Variants in FGF12 observed in about 807,000 individuals in gnomAD.
The protein encoded by FGF12 is fibroblast growth factor 12, also known as fibroblast growth factor 12B.
In FGF12, 14 loss-of-function variants were observed where a neutral mutation model predicts 23.6. That is an observed-to-expected ratio of 0.59 (90% CI 0.39 to 0.93). The LOEUF is 0.93. FGF12 is among the 40% of genes least tolerant of loss of function. The pLI is 0.00. For missense variants in FGF12, 175 were observed against 217.8 expected (o/e 0.80, Z 1.24); for synonymous variants, 62 against 77.3 (o/e 0.80, Z 1.04).
intron 5 of FGF12, among the ~76,000 whole-genome samples, chr3:192,169,763 A>G (rs779483938): frequency 2.0e-5 from 3 of 151,480 alleles, no homozygotes; most frequent in Non-Finnish European, 4.4e-5. Flanking sequence ...GGTTACCCAA[A>G]TGATATGCTC....
At chr3:192,723,681 C>T (rs552389399) in intron 2 of FGF12, among the ~76,000 whole-genome samples, 1 of 152,116 alleles carries the variant, frequency 6.6e-6, no homozygotes, top group Admixed American at 6.5e-5. Context: ...ATGCCCAGAT[C>T]CCACCCCAGA....
chr3:192,330,884 G>A (rs1446652675), intron 4 of FGF12, among the ~76,000 whole-genome samples: 5 of 152,092 alleles, frequency 3.3e-5, no homozygotes, highest in African/African-American at 9.7e-5. Context: ...AAAATTCTAT[G>A]TATCAACAGA....
intron 2 of FGF12, among the ~76,000 whole-genome samples, chr3:192,441,064 A>G (rs1722188371): frequency 1.3e-5 from 2 of 152,218 alleles, no homozygotes; most frequent in Admixed American, 1.3e-4. Context: ...GGTTTATGGC[A>G]TAATAAAAAG....
At chr3:192,644,564 G>A (rs768871841) in intron 2 of FGF12, among the ~76,000 whole-genome samples, 2 of 152,118 alleles carry the variant, frequency 1.3e-5, no homozygotes, top group South Asian at 2.1e-4. Context: ...CTAGGACACT[G>A]TTGTTACTTC....
At chr3:192,322,720 G>A (rs1022724738) in intron 4 of FGF12, among the ~76,000 whole-genome samples, 3 of 152,016 alleles carry the variant, frequency 2.0e-5, no homozygotes, top group African/African-American at 4.8e-5. Context: ...ACTCATTTTC[G>A]ACAAAGTTTC....
intron 2 of FGF12, among the ~76,000 whole-genome samples, chr3:192,414,296 G>A (rs929939668): frequency 2.0e-5 from 3 of 152,082 alleles, no homozygotes; most frequent in Non-Finnish European, 4.4e-5. Flanking sequence ...CTGTCATATC[G>A]CCATTTTATA....
intron 2 of FGF12, among the ~76,000 whole-genome samples, chr3:192,640,472 A>G (rs1715750705): frequency 6.6e-6 from 1 of 152,208 alleles, no homozygotes; most frequent in Admixed American, 6.5e-5. Context: ...GAACTCCAAC[A>G]GAGGTAGGTT....
intron 2 of FGF12, among the ~76,000 whole-genome samples, chr3:192,510,008 G>T (rs1042192427): frequency 6.6e-6 from 1 of 152,116 alleles, no homozygotes; most frequent in African/African-American, 2.4e-5. Context: ...TCTATCATAG[G>T]TCATACGGCG....
chr3:192,723,408 A>C (rs975441222), intron 2 of FGF12, among the ~76,000 whole-genome samples: 25 of 150,906 alleles, frequency 1.7e-4, no homozygotes, highest in African/African-American at 5.1e-4. Flanking sequence ...GAGTGGTGTC[A>C]TTCATTCTCA....
chr3:192,584,189 C>T (rs1300134066), intron 2 of FGF12, among the ~76,000 whole-genome samples: 1 of 152,126 alleles, frequency 6.6e-6, no homozygotes, highest in Non-Finnish European at 1.5e-5. Flanking sequence ...ATTACTGTTT[C>T]TTTGATACCT....
At chr3:192,273,641 G>T (rs1336390071) in intron 4 of FGF12, among the ~76,000 whole-genome samples, 2 of 152,136 alleles carry the variant, frequency 1.3e-5, no homozygotes, top group South Asian at 4.2e-4. Context: ...GGGGCTTTGT[G>T]CATGGTACAC....
intron 2 of FGF12, among the ~76,000 whole-genome samples, chr3:192,607,756 A>G (rs987744405): frequency 3.3e-5 from 5 of 152,100 alleles, no homozygotes; most frequent in African/African-American, 1.2e-4. Context: ...AGGACATAAA[A>G]AGTTCGTTGG....
At chr3:192,351,028 C>T (rs1275535323) in intron 3 of FGF12, among the ~76,000 whole-genome samples, 1 of 152,152 alleles carries the variant, frequency 6.6e-6, no homozygotes, top group African/African-American at 2.4e-5. Flanking sequence ...TATGTATACA[C>T]TGAAAGTAGC....
At chr3:192,719,248 T>A (rs1296063340) in intron 2 of FGF12, among the ~76,000 whole-genome samples, 1 of 152,192 alleles carries the variant, frequency 6.6e-6, no homozygotes, top group African/African-American at 2.4e-5. Context: ...AGCTCAGCCT[T>A]AGAACAGCTA....
At chr3:192,637,166 T>G (rs1370757239) in intron 2 of FGF12, among the ~76,000 whole-genome samples, 2 of 152,224 alleles carry the variant, frequency 1.3e-5, no homozygotes, top group Non-Finnish European at 2.9e-5. Context: ...ATGCTGACAA[T>G]GCTTTTGGCT....
intron 4 of FGF12, among the ~76,000 whole-genome samples, chr3:192,290,433 T>C (rs913357123): frequency 6.6e-6 from 1 of 152,154 alleles, no homozygotes; most frequent in Non-Finnish European, 1.5e-5. Flanking sequence ...TAGGAGCTTT[T>C]CATAAAGTAG....
chr3:192,221,830 T>C (rs912081623), intron 4 of FGF12, among the ~76,000 whole-genome samples: 5 of 152,016 alleles, frequency 3.3e-5, no homozygotes, highest in African/African-American at 9.7e-5. Flanking sequence ...AGTGTAAAGG[T>C]AGAATATAAC....
At chr3:192,610,202 G>C (rs921711566) in intron 2 of FGF12, among the ~76,000 whole-genome samples, 2 of 152,042 alleles carry the variant, frequency 1.3e-5, no homozygotes, top group Non-Finnish European at 1.5e-5. Context: ...TCCACCCGCT[G>C]CTGGGTACAG....
rs530469979 is a variant in FGF12 at position 192,139,606 on chromosome 3, G to A, written c.*4403C>T. The A allele has an allele frequency of 2.0e-5, 3 of 152,086 alleles. No homozygotes were observed. The highest frequency in any genetic ancestry group is 3.9e-4 in the East Asian group (2 of 5,176). The allele number at this position is 152,086 out of a possible 1,614,324, so 9.4% of individuals were successfully genotyped here. ...TGTCACTGTCTTTAAATTGTACTTG[G>A]AGCAAAGACAAAGAAACATCAGCTC... On this transcript the variant is annotated 3_prime_UTR_variant, in exon 6 of 6. Transcript: ENST00000445105.
Sources: gnomAD v4.1 joint callset for allele counts (sites outside exome capture counted in the v4.1 genomes callset) on GRCh38, gnomAD v4.1.1 for gene constraint, MANE v1.5 for transcripts, NCBI Gene and HGNC (gene_info 2026-07-23, HGNC 2026-07-21) for gene names.